Variants in PPEF1 observed in about 807,000 individuals in gnomAD.
PPEF1 encodes serine/threonine-protein phosphatase with EF-hands 1.
PPEF1 carries 12 observed loss-of-function variants against 53.3 expected under a neutral mutation model. That is an observed-to-expected ratio of 0.23 (90% CI 0.14 to 0.36). The LOEUF (loss-of-function observed/expected upper bound fraction) is 0.36, where lower values mean the gene tolerates loss of function less well. Ranked by LOEUF, PPEF1 falls within the 10% of genes least tolerant of loss-of-function variation. The pLI is 1.00. For missense variants in PPEF1, 334 were observed against 490.4 expected, an observed-to-expected ratio of 0.68 and a Z score of 3.01; for synonymous variants, 165 against 176.7, an observed-to-expected ratio of 0.93 and a Z score of 0.52.
At chrX:18,735,496 T>C (rs2044954693) in intron 3 of PPEF1, among the ~76,000 whole-genome samples, 1 of 112,080 alleles carries the variant, frequency 8.9e-6, no homozygotes, top group African/African-American at 3.2e-5. Context: ...TGTCTCTGTT[T>C]TGGTACCAGT....
chrX:18,728,106 A>G (rs1602386811), intron 1 of PPEF1, among the ~76,000 whole-genome samples: 1 of 110,690 alleles, frequency 9.0e-6, no homozygotes. Flanking sequence ...CCTGAGGCCT[A>G]ACATACCCGA....
chrX:18,713,262 C>T (rs991356123), intron 1 of PPEF1, among the ~76,000 whole-genome samples: 4 of 110,697 alleles, frequency 3.6e-5, no homozygotes, highest in Non-Finnish European at 3.8e-5. Flanking sequence ...TTTCTTTGTG[C>T]GTAGTTTTTT....
chrX:18,746,396 A>C (rs752905329), intron 3 of PPEF1, among the ~76,000 whole-genome samples: 1 of 112,372 alleles, frequency 8.9e-6, no homozygotes, highest in South Asian at 3.7e-4. Context: ...CTAATACTTC[A>C]TATTGAGTAG....
upstream of PPEF1, among the ~76,000 whole-genome samples, chrX:18,680,037 C>T (rs1302229362): frequency 2.8e-5 from 3 of 105,275 alleles, no homozygotes; most frequent in Non-Finnish European, 3.9e-5. Flanking sequence ...TGCAGTGAGC[C>T]GTGACTGTGC....
chrX:18,748,957 G>C (rs1159846466), intron 3 of PPEF1, among the ~76,000 whole-genome samples: 1 of 112,197 alleles, frequency 8.9e-6, no homozygotes, highest in Non-Finnish European at 1.9e-5. Context: ...AGCTGCAAAA[G>C]TACATTACAA....
intron 10 of PPEF1, among the ~76,000 whole-genome samples, chrX:18,796,046 C>G (rs372637952): frequency 1.8e-5 from 2 of 112,155 alleles, no homozygotes; most frequent in African/African-American, 6.5e-5. Flanking sequence ...ACCTCCACCT[C>G]CTGGGTTTAG....
chrX:18,719,407 C>T (rs777294855), intron 1 of PPEF1, among the ~76,000 whole-genome samples: 36 of 105,937 alleles, frequency 3.4e-4, no homozygotes, highest in African/African-American at 1.1e-3. Context: ...AGTGCAGTGG[C>T]GCCATCAAGG....
intron 1 of PPEF1, among the ~76,000 whole-genome samples, chrX:18,718,680 T>A (rs982978801): frequency 8.9e-6 from 1 of 112,235 alleles, no homozygotes; most frequent in African/African-American, 3.2e-5. Flanking sequence ...TTTACTGGCT[T>A]CCAGCTTTAC....
At chrX:18,719,307 G>T (rs756099214) in intron 1 of PPEF1, among the ~76,000 whole-genome samples, 4 of 108,101 alleles carry the variant, frequency 3.7e-5, no homozygotes, top group African/African-American at 1.3e-4. Flanking sequence ...ACATTTTCCT[G>T]AACTAGTGAT....
At chrX:18,754,022 CAG>C (rs780122436) in intron 4 of PPEF1, among the ~76,000 whole-genome samples, 31 of 99,808 alleles carry the variant, frequency 3.1e-4, no homozygotes, top group Non-Finnish European at 5.8e-4. Flanking sequence ...AGTGTTTTGA[CAG>C]AGACTTCCTT....
chrX:18,708,374 C>T (rs1170511285), intron 1 of PPEF1, among the ~76,000 whole-genome samples: 1 of 111,866 alleles, frequency 8.9e-6, no homozygotes, highest in Non-Finnish European at 1.9e-5. Context: ...CCTTTCTGTA[C>T]CCCCATATAA....
chrX:18,735,209 G>A (rs1451277138), intron 3 of PPEF1, among the ~76,000 whole-genome samples: 57 of 111,494 alleles, frequency 5.1e-4, no homozygotes, highest in Non-Finnish European at 8.7e-4. Flanking sequence ...GCCCATGCCT[G>A]TGTCCTGAAT....
chrX:18,789,730 A>G (rs184012855), intron 10 of PPEF1, among the ~76,000 whole-genome samples: 21 of 112,584 alleles, frequency 1.9e-4, no homozygotes. Flanking sequence ...ACTCAGCACA[A>G]TGTTCTGGAG....
intron 10 of PPEF1, 90 bp from the exon 11 acceptor site, chrX:18,803,801 CT>C: frequency 1.1e-6 from 1 of 881,599 alleles, no homozygotes; most frequent in Non-Finnish European, 1.6e-6. Context: ...TTTGGGATAC[CT>C]TGGGTTAATA....
chrX:18,784,108 T>A lies in PPEF1; in HGVS notation c.912+60T>A, dbSNP rs1197099623. On this transcript the variant is annotated intron_variant, in intron 9 of 15. Transcript: ENST00000470157. ...GGATTTAGAAGGGAATACATACCTC[T>A]TCATTTATTATTTTGAATTGATTTG... is the stretch of plus-strand genomic sequence containing the variant. The A allele has an allele frequency of 9.2e-6, 9 of 978,379 alleles. No individual in the cohort carries two copies. The East Asian group carries it at 2.9e-4, about 32-fold the overall frequency. 80.6% of individuals were successfully genotyped at this position (978,379 alleles called of 1,213,427 possible). A position where few individuals can be genotyped will look rare whatever the true frequency, so the allele number is the denominator to read the frequency against.
intron 1 of PPEF1, among the ~76,000 whole-genome samples, chrX:18,684,426 G>C (rs1928988468): frequency 9.0e-6 from 1 of 110,804 alleles, no homozygotes; most frequent in African/African-American, 3.3e-5. Flanking sequence ...CTGTCTAATA[G>C]GAAAGAAGGC....
chrX:18,773,346 T>C (rs1356230270), intron 6 of PPEF1, among the ~76,000 whole-genome samples: 1 of 112,091 alleles, frequency 8.9e-6, no homozygotes, highest in Non-Finnish European at 1.9e-5. Context: ...AATCTTAAAC[T>C]CTACTTTGCC....
exon 3 of PPEF1, chrX:18,686,228 G>A (rs1878371105): frequency 9.0e-6 from 1 of 111,670 alleles, no homozygotes; most frequent in East Asian, 2.8e-4. Flanking sequence ...TGAAACTTCC[G>A]AAGGTAAGAT....
chrX:18,745,153 AT>A (rs769916805), intron 3 of PPEF1, among the ~76,000 whole-genome samples: 17 of 94,571 alleles, frequency 1.8e-4, no homozygotes, highest in South Asian at 4.1e-4. Flanking sequence ...TATATTATAT[AT>A]TATAATATAA....
Sources: gnomAD v4.1 joint callset for allele counts (sites outside exome capture counted in the v4.1 genomes callset) on GRCh38, gnomAD v4.1.1 for gene constraint, MANE v1.5 for transcripts, NCBI Gene and HGNC (gene_info 2026-07-23, HGNC 2026-07-21) for gene names.